The following SIPA1L1 variants were observed in gnomAD, a reference collection of about 807,000 sequenced individuals.
SIPA1L1 encodes the protein signal-induced proliferation-associated 1-like protein 1.
In SIPA1L1, 26 loss-of-function variants were observed where a neutral mutation model predicts 162.7. The observed-to-expected ratio is 0.16, with a 90% CI of 0.12 to 0.22. SIPA1L1 has a LOEUF of 0.22. Ranked by LOEUF, SIPA1L1 falls within the 10% of genes least tolerant of loss-of-function variation. The pLI, the probability that SIPA1L1 is intolerant of heterozygous loss-of-function variation, is 1.00. For synonymous variants in SIPA1L1, 829 were observed against 837.4 expected, an observed-to-expected ratio of 0.99 and a Z score of 0.17; for missense variants, 1,874 against 2,241.0, an observed-to-expected ratio of 0.84 and a Z score of 3.31.
intron 2 of SIPA1L1, among the ~76,000 whole-genome samples, chr14:71,368,018 C>A (rs1421784575): frequency 6.7e-6 from 1 of 150,266 alleles, no homozygotes; most frequent in African/African-American, 2.4e-5. Flanking sequence ...AAATCTTAAA[C>A]CTTTTTTACT....
intron 7 of SIPA1L1, among the ~76,000 whole-genome samples, chr14:71,639,149 G>A (rs1037125503): frequency 6.6e-6 from 1 of 152,196 alleles, no homozygotes; most frequent in Non-Finnish European, 1.5e-5. Flanking sequence ...GCTCACTTCT[G>A]TAATCCTAGC....
intron 12 of SIPA1L1, among the ~76,000 whole-genome samples, chr14:71,673,071 G>A (rs1464838718): frequency 1.3e-5 from 2 of 152,170 alleles, no homozygotes; most frequent in African/African-American, 2.4e-5. Flanking sequence ...GACCTTTGCT[G>A]TCTCAGTCTG....
At chr14:71,549,658 A>G (rs1416646972) in intron 4 of SIPA1L1, among the ~76,000 whole-genome samples, 1 of 152,116 alleles carries the variant, frequency 6.6e-6, no homozygotes. Flanking sequence ...CACTCTGGTA[A>G]TTGTTCCTTT....
At position 71,390,923 on chromosome 14, in the gene SIPA1L1, C is replaced by T. The variant is rs116367451; in HGVS notation, c.-465+69742C>T. On this transcript the variant is annotated intron_variant, in intron 2 of 23. Coordinates refer to ENST00000381232, the MANE Select transcript of SIPA1L1 (RefSeq NM_001386936.1). ...CTATAGAATTTTGATTTTGTTGCTGCGGTGACAATATATCTTGCTTCATGT... is the reference window on the plus strand; with the variant it reads ...CTATAGAATTTTGATTTTGTTGCTGTGGTGACAATATATCTTGCTTCATGT... Among the ~76,000 whole-genome samples the T allele has an allele frequency of 5.5e-3, 838 of 152,096 alleles. 10 individuals are homozygous for T. The highest frequency in any genetic ancestry group is 0.019 in the African/African-American group (804 of 41,496).
At chr14:71,364,255 C>G (rs1201712613) in intron 2 of SIPA1L1, among the ~76,000 whole-genome samples, 1 of 152,114 alleles carries the variant, frequency 6.6e-6, no homozygotes, top group African/African-American at 2.4e-5. Flanking sequence ...TTAGATTTAT[C>G]AAGGTTTAAT....
At chr14:71,469,423 C>T (rs1321034712) in intron 2 of SIPA1L1, among the ~76,000 whole-genome samples, 1 of 152,188 alleles carries the variant, frequency 6.6e-6, no homozygotes. Flanking sequence ...CTGTCATCCC[C>T]TTCCCCCACA....
chr14:71,567,380 C>CA (rs773980216), intron 4 of SIPA1L1, among the ~76,000 whole-genome samples: 2 of 151,580 alleles, frequency 1.3e-5, no homozygotes, highest in African/African-American at 2.4e-5. Context: ...CTGGTGTATG[C>CA]AAAAAATGGA....
chr14:71,379,673 C>G (rs1490638004), intron 2 of SIPA1L1: 4 of 152,254 alleles, frequency 2.6e-5, no homozygotes, highest in African/African-American at 9.6e-5. Flanking sequence ...GTGTTATCTT[C>G]TGCCATGTAA....
intron 2 of SIPA1L1, among the ~76,000 whole-genome samples, chr14:71,400,411 A>G (rs1167446802): frequency 6.6e-6 from 1 of 151,972 alleles, no homozygotes. Context: ...AGCATTTTTT[A>G]TTTTTTTATC....
chr14:71,430,272 G>T (rs2043886383), intron 2 of SIPA1L1, among the ~76,000 whole-genome samples: 1 of 152,028 alleles, frequency 6.6e-6, no homozygotes, highest in African/African-American at 2.4e-5. Context: ...TGGTTGTCTG[G>T]TATGATGGGG....
chr14:71,463,194 C>T (rs780968346), intron 2 of SIPA1L1, among the ~76,000 whole-genome samples: 1 of 152,156 alleles, frequency 6.6e-6, no homozygotes, highest in Non-Finnish European at 1.5e-5. Context: ...TACTATTTTT[C>T]TAGGTAGAGG....
At chr14:71,704,858 C>A in intron 15 of SIPA1L1, 1 of 958,050 alleles carries the variant, frequency 1.0e-6, no homozygotes, top group Non-Finnish European at 1.7e-6. Context: ...GTAGACCAAG[C>A]TAGGTTAGCC....
chr14:71,354,844 G>T (rs2037088007), intron 2 of SIPA1L1, among the ~76,000 whole-genome samples: 1 of 152,180 alleles, frequency 6.6e-6, no homozygotes, highest in Non-Finnish European at 1.5e-5. Flanking sequence ...CAGTGCTAAA[G>T]CTAAGTGCAC....
At chr14:71,700,897 G>A (rs2082038929) in intron 14 of SIPA1L1, among the ~76,000 whole-genome samples, 2 of 147,832 alleles carry the variant, frequency 1.4e-5, no homozygotes, top group Non-Finnish European at 3.0e-5. Flanking sequence ...AGGAGTCTGA[G>A]GCAGGAGAAT....
chr14:71,724,778 T>C lies in SIPA1L1; in HGVS notation c.4557T>C (p.Asp1519=). The change falls in exon 19 of 24, where the codon GAT becomes GAC. Residue 1519 remains aspartate (D), a synonymous_variant. Transcript: ENST00000381232. ...KPTSKSTIEE[D]LKKLIDLESP... ...CCTCCAAGTCCACCATTGAAGAAGA[T>C]CTAAAGAAACTAATTGATCTTGAAA... 1 of 1,614,142 alleles carries C rather than the reference T, an allele frequency of 6.2e-7. No homozygotes were observed. Among genetic ancestry groups the C allele is most frequent in the Non-Finnish European group, 8.5e-7 (1 of 1,180,016 alleles).
chr14:71,564,931 T>G (rs2030067727), intron 4 of SIPA1L1, among the ~76,000 whole-genome samples: 1 of 152,220 alleles, frequency 6.6e-6, no homozygotes, highest in Non-Finnish European at 1.5e-5. Flanking sequence ...TAAAGGTATG[T>G]TTTTGGTCTT....
intron 2 of SIPA1L1, among the ~76,000 whole-genome samples, chr14:71,424,387 TA>T (rs2043409071): frequency 6.6e-6 from 1 of 152,246 alleles, no homozygotes; most frequent in Admixed American, 6.5e-5. Context: ...AGACTTTCAT[TA>T]TAGACATGAT....
rs550310013 is a variant in SIPA1L1, at chr14:71,452,291, A to G, written c.-464-60452A>G. Among the ~76,000 whole-genome samples the G allele has an allele frequency of 4.6e-5, 7 of 152,274 alleles. No individual in the cohort carries two copies. In the East Asian group the frequency reaches 1.2e-3, roughly 25 times the overall value. ...TGCTTTTGAACTTTATAAAAATGAA[A>G]TAATATAATATGTACTCTTTGGTTG... On this transcript the variant is annotated intron_variant, in intron 2 of 23. Transcript: ENST00000381232.
chr14:71,673,481 C>T (rs1272385677), intron 12 of SIPA1L1, among the ~76,000 whole-genome samples: 1 of 152,088 alleles, frequency 6.6e-6, no homozygotes, highest in East Asian at 1.9e-4. Context: ...CTAAGATGAC[C>T]AGTCCTACAC....
Sources: gnomAD v4.1 joint callset for allele counts (sites outside exome capture counted in the v4.1 genomes callset) on GRCh38, gnomAD v4.1.1 for gene constraint, MANE v1.5 for transcripts, NCBI Gene and HGNC (gene_info 2026-07-23, HGNC 2026-07-21) for gene names.